Variants in MRPS23 observed in about 807,000 individuals in gnomAD.
The protein encoded by MRPS23 is small ribosomal subunit protein mS23.
MRPS23 carries 14 observed loss-of-function variants against 19.8 expected under a neutral mutation model. The observed-to-expected ratio is 0.71, with a 90% confidence interval of 0.47 to 1.11. MRPS23 has a LOEUF of 1.11. MRPS23 is among the 50% of genes least tolerant of loss of function. The pLI is 0.00. For synonymous variants in MRPS23, 113 were observed against 89.7 expected (o/e 1.26, Z -1.47); for missense variants, 242 against 236.7 (o/e 1.02, Z -0.15).
At chr17:57,848,279 T>C (rs1389244878) in intron 2 of MRPS23, among the ~76,000 whole-genome samples, 1 of 151,998 alleles carries the variant, frequency 6.6e-6, no homozygotes, top group Non-Finnish European at 1.5e-5. Context: ...TAGCATGTGT[T>C]GCTTTTATAA....
chr17:57,848,759 C>G, intron 2 of MRPS23: 1 of 149,408 alleles, frequency 6.7e-6, no homozygotes, highest in Non-Finnish European at 1.5e-5. Context: ...CCTCCTATCT[C>G]CACTCGTGGA....
In MRPS23 at chr17:57,837,926, G is replaced by A. The variant is rs2073715971; in HGVS notation, c.*1857C>T. On this transcript the variant is annotated 3_prime_UTR_variant, in exon 5 of 5. Coordinates refer to ENST00000313608, the MANE Select transcript of MRPS23 (RefSeq NM_016070.4). Reference sequence around the variant, plus strand: ...AGCCCAGGAGTTAAGACTGCGGCAGGGTATGCACCACTGCACCCAGCCTGG... The same window carrying A: ...AGCCCAGGAGTTAAGACTGCGGCAGAGTATGCACCACTGCACCCAGCCTGG... 6.6e-6 allele frequency: 1 copy of A among 151,784 alleles called. No individual in the cohort carries two copies. The highest frequency in any genetic ancestry group is 1.5e-5 in the Non-Finnish European group (1 of 68,006). 9.4% of individuals were successfully genotyped at this position (151,784 alleles called of 1,614,324 possible).
Position 57,835,952 on chromosome 17 carries a change from C to CTTTTTTTTTTTTTTTTTTT in MRPS23, c.*3812_*3830dup, listed in dbSNP as rs11304363. The CTTTTTTTTTTTTTTTTTTT allele has an allele frequency of 3.7e-5, 5 of 135,256 alleles. 1 individual carries two copies. Among genetic ancestry groups the CTTTTTTTTTTTTTTTTTTT allele is most frequent in the African/African-American group, 2.7e-5 (1 of 37,018 alleles). 8.4% of individuals were successfully genotyped at this position (135,256 alleles called of 1,614,324 possible). A position where few individuals can be genotyped will look rare whatever the true frequency, so the allele number is the denominator to read the frequency against. On this transcript the variant is annotated 3_prime_UTR_variant, in exon 5 of 5. Coordinates refer to ENST00000313608, the MANE Select transcript of MRPS23 (RefSeq NM_016070.4). ...ATAAGAATTTCTGCCCTCCTTTATACTTTTTTTTTTTTTTTTTTTGAGACA... is the reference window on the plus strand; with the variant it reads ...ATAAGAATTTCTGCCCTCCTTTATACTTTTTTTTTTTTTTTTTTTTTTTTTTTTTTTTTTTTTTGAGACA...
rs1597955066 is a variant in MRPS23, at chr17:57,849,292, T to C, written c.163A>G (p.Lys55Glu). The C allele has an allele frequency of 6.2e-7, 1 of 1,614,210 alleles. No individual in the cohort carries two copies. Among genetic ancestry groups the C allele is most frequent in the Non-Finnish European group, 8.5e-7 (1 of 1,180,038 alleles). ...ATGTCTTGGATGGGAGCTTTGGCTT[T>C]GCCATATCGCACTCGAGGCCTTTGG... The part of the protein sequence containing the change: ...VFQRPRVRYG[K>E]AKAPIQDIWY... The change falls in exon 2 of 5, where the codon AAA (lysine) becomes GAA (glutamate). Residue 55 changes from lysine (K) to glutamate (E), a missense_variant. Coordinates refer to ENST00000313608, the MANE Select transcript of MRPS23 (RefSeq NM_016070.4).
In MRPS23 at chr17:57,839,888, G is replaced by T. The variant is rs1213401792; in HGVS notation, c.468C>A (p.Val156=). Residue 156 remains valine (V), a synonymous_variant, in exon 5 of 5, where the codon GTC becomes GTA. Coordinates refer to ENST00000313608, the MANE Select transcript of MRPS23 (RefSeq NM_016070.4). ...HVSRKSEHLS[V]RPQTALEENE... ...TTTCTTCCAACGCAGTCTGTGGTCT[G>T]ACACTCAAGTGTTCGGATTTCCGGG... 6.2e-7 allele frequency: 1 copy of T among 1,614,218 alleles called. No homozygotes were observed. Among genetic ancestry groups the T allele is most frequent in the East Asian group, 2.2e-5 (1 of 44,888 alleles).
At chr17:57,842,887 TATATACACAC>T (rs1386915584) in intron 2 of MRPS23, among the ~76,000 whole-genome samples, 4 of 97,540 alleles carry the variant, frequency 4.1e-5, no homozygotes, top group African/African-American at 1.7e-4. Flanking sequence ...AAAATATATA[TATATACACAC>T]ACACACACAC....
At chr17:57,844,323 C>A (rs4793919) in intron 2 of MRPS23, among the ~76,000 whole-genome samples, 146,536 of 150,504 alleles carry the variant, frequency 0.97, 71,452 homozygotes, top group East Asian at 1. Context: ...AATATCAAAA[C>A]CACCAAAAAA....
In MRPS23 at chr17:57,839,789, A is replaced by G. The variant is rs749355615; in HGVS notation, c.567T>C (p.Pro189=). The change falls in exon 5 of 5, where the codon CCT becomes CCC. Residue 189 remains proline (P), a synonymous_variant. Transcript: ENST00000313608. ...APADQSKGLL[P]P is the part of the protein sequence containing the mutation. The stretch of plus-strand genomic sequence containing the variant: ...TACACAGTATACAGGTCCTTCAGGG[A>G]GGCAAGAGACCTTTCGACTGGTCTG... 1.4e-5 allele frequency: 22 copies of G among 1,614,068 alleles called. No homozygotes were observed. Among genetic ancestry groups the G allele is most frequent in the Non-Finnish European group, 1.9e-5 (22 of 1,179,954 alleles).
Position 57,849,254 on chromosome 17 carries a change from C to T in MRPS23, c.201G>A (p.Glu67=). The change falls in exon 2 of 5, where the codon GAG becomes GAA. Residue 67 remains glutamate, a synonymous_variant. Coordinates refer to ENST00000313608, the MANE Select transcript of MRPS23 (RefSeq NM_016070.4). Reference sequence around the variant, plus strand: ...TGAGCACTCACGCTCTAATCCGATCCTCGTGGTACCAGATGTCTTGGATGG... The same window carrying T: ...TGAGCACTCACGCTCTAATCCGATCTTCGTGGTACCAGATGTCTTGGATGG... ...KAPIQDIWYH[E]DRIRAKFYSV... 6.2e-7 allele frequency: 1 copy of T among 1,614,216 alleles called. No homozygotes were observed. Among genetic ancestry groups the T allele is most frequent in the East Asian group, 2.2e-5 (1 of 44,884 alleles).
chr17:57,847,147 G>A (rs1293043853), intron 2 of MRPS23, among the ~76,000 whole-genome samples: 1 of 150,932 alleles, frequency 6.6e-6, no homozygotes, highest in Non-Finnish European at 1.5e-5. Context: ...ATACAAATTA[G>A]CCAGGCATGG....
At position 57,841,167 on chromosome 17, in the gene MRPS23, T is replaced by G; in HGVS notation, c.293+16A>C. On this transcript the variant is annotated intron_variant, in intron 3 of 4. Transcript: ENST00000313608. ...AAAAATAATATGAATAGCCTAGGAC[T>G]TATAAAATGGCTTACCGTTGACAGG... The G allele has an allele frequency of 6.2e-7, 1 of 1,613,768 alleles. No individual in the cohort carries two copies. The highest frequency in any genetic ancestry group is 8.5e-7 in the Non-Finnish European group (1 of 1,179,822).
rs1568014243 is a variant in MRPS23 at position 57,838,195 on chromosome 17, CAGA to C, written c.*1585_*1587del. 4.4e-5 allele frequency: 6 copies of C among 137,178 alleles called. No homozygotes were observed. Among genetic ancestry groups the C allele is most frequent in the African/African-American group, 1.6e-4 (6 of 37,468 alleles). 8.5% of individuals were successfully genotyped at this position (137,178 alleles called of 1,614,324 possible). ...ATCCCAGCTACTTGGGAGGCTGAGG[CAGA>C]AGAACTGCTTGAACCTGGGAGGCGG... On this transcript the variant is annotated 3_prime_UTR_variant, in exon 5 of 5. Coordinates refer to ENST00000313608, the MANE Select transcript of MRPS23 (RefSeq NM_016070.4).
intron 1 of MRPS23, chr17:57,849,734 G>C: frequency 1.6e-6 from 1 of 613,536 alleles, no homozygotes; most frequent in Non-Finnish European, 2.8e-6. Flanking sequence ...ACCTCCACTC[G>C]GGGAGAGGCA....
intron 2 of MRPS23, among the ~76,000 whole-genome samples, chr17:57,846,667 G>C (rs1003079750): frequency 5.3e-5 from 8 of 152,104 alleles, no homozygotes; most frequent in African/African-American, 1.9e-4. Flanking sequence ...GGGTTAAATG[G>C]ATTAAGGGCG....
At chr17:57,846,123 C>T (rs1309600166) in intron 2 of MRPS23, among the ~76,000 whole-genome samples, 2 of 151,128 alleles carry the variant, frequency 1.3e-5, no homozygotes, top group East Asian at 1.9e-4. Context: ...TGGGGGGCAG[C>T]CCCCACCCAG....
intron 1 of MRPS23, 71 bp from the exon 2 acceptor site, chr17:57,849,481 C>T: frequency 6.5e-7 from 1 of 1,547,742 alleles, no homozygotes; most frequent in Non-Finnish European, 8.8e-7. Flanking sequence ...CAGTCTAGCA[C>T]AGTTTGGGAC....
At position 57,849,256 on chromosome 17, in the gene MRPS23, C is replaced by T. The variant is rs765967411; in HGVS notation, c.199G>A (p.Glu67Lys). 4 of 1,614,120 alleles carry T rather than the reference C, an allele frequency of 2.5e-6. No individual in the cohort carries two copies. The highest frequency in any genetic ancestry group is 8.5e-7 in the Non-Finnish European group (1 of 1,180,046). The change falls in exon 2 of 5, where the codon GAG becomes AAG. Residue 67 changes from glutamate (E) to lysine (K), a missense_variant. Glu to Lys is a moderately conservative substitution (Grantham distance 56, BLOSUM62 1). Transcript: ENST00000313608. Reference protein sequence around the residue: ...KAPIQDIWYHEDRIRAKFYSV... With the variant: ...KAPIQDIWYHKDRIRAKFYSV... ...AGCACTCACGCTCTAATCCGATCCT[C>T]GTGGTACCAGATGTCTTGGATGGGA...
At chr17:57,845,308 G>A (rs1390212308) in intron 2 of MRPS23, among the ~76,000 whole-genome samples, 1 of 152,174 alleles carries the variant, frequency 6.6e-6, no homozygotes, top group East Asian at 1.9e-4. Context: ...AAATATCCAA[G>A]TAGAACAAGA....
chr17:57,842,732 A>G (rs1197127783), intron 2 of MRPS23, among the ~76,000 whole-genome samples: 2 of 151,940 alleles, frequency 1.3e-5, no homozygotes, highest in Non-Finnish European at 2.9e-5. Context: ...TGACCAAATG[A>G]CATTCTCCAG....
Sources: allele counts gnomAD v4.1 joint callset (sites outside exome capture counted in the v4.1 genomes callset), GRCh38; gene constraint gnomAD v4.1.1; transcripts MANE v1.5; gene names NCBI Gene and HGNC (gene_info 2026-07-23, HGNC 2026-07-21).